SNAP91: variants seen among roughly 807,000 people sequenced by gnomAD.
The protein encoded by SNAP91 is synaptosome associated protein 91.
A neutral mutation model predicts 100.3 loss-of-function variants in SNAP91; 27 were observed. That is an observed-to-expected ratio of 0.27 (90% CI 0.20 to 0.37). SNAP91 has a LOEUF of 0.37. Among genes scored for constraint, SNAP91 ranks in the 10% least tolerant of loss-of-function variants. The probability of loss-of-function intolerance (pLI) is 1.00; values close to 1 mark genes in which losing one functional copy is unlikely to be tolerated. For missense variants in SNAP91, 986 were observed against 1,123.7 expected (o/e 0.88, Z 1.75); for synonymous variants, 404 against 398.6 (o/e 1.01, Z -0.16).
intron 17 of SNAP91, among the ~76,000 whole-genome samples, chr6:83,593,944 C>A (rs2094149194): frequency 6.6e-6 from 1 of 152,124 alleles, no homozygotes; most frequent in Non-Finnish European, 1.5e-5. Context: ...TTAGTAGGTA[C>A]CACAAGTTAG....
At chr6:83,590,704 A>C (rs1366812088) in intron 22 of SNAP91, among the ~76,000 whole-genome samples, 2 of 152,308 alleles carry the variant, frequency 1.3e-5, no homozygotes, top group East Asian at 3.9e-4. Flanking sequence ...TCCTTTAAAA[A>C]AAGATGGGCA....
chr6:83,662,390 T>C lies in SNAP91; in HGVS notation c.306A>G (p.Thr102=), dbSNP rs774544899. 6.3e-6 allele frequency: 9 copies of C among 1,424,590 alleles called. No homozygotes were observed. Among genetic ancestry groups the C allele is most frequent in the Admixed American group, 2.4e-5 (1 of 42,040 alleles). The allele number at this position is 1,424,590 out of a possible 1,614,324, so 88.2% of individuals were successfully genotyped here. ...CCAAAAAATTGCTGAGATTGAATAG[T>C]GTATTTCTAGAAGCCAAATATTGAA... ...RFIQYLASRN[T]LFNLSNFLDK... is the part of the protein sequence containing the mutation. Residue 102 remains threonine, a synonymous_variant, in exon 4 of 30, where the codon ACA becomes ACG. Coordinates refer to ENST00000369694, the MANE Select transcript of SNAP91 (RefSeq NM_001242792.2).
chr6:83,667,436 T>A (rs1241724307), intron 2 of SNAP91, among the ~76,000 whole-genome samples: 1 of 152,040 alleles, frequency 6.6e-6, no homozygotes, highest in Non-Finnish European at 1.5e-5. Context: ...TAAATGCTGG[T>A]CTTTTATTGA....
At chr6:83,626,727 C>G (rs545336934) in intron 8 of SNAP91, among the ~76,000 whole-genome samples, 1 of 152,032 alleles carries the variant, frequency 6.6e-6, no homozygotes, top group Non-Finnish European at 1.5e-5. Flanking sequence ...TGAAACTTTA[C>G]TGAAGTTGTT....
At chr6:83,708,172 G>C in intron 1 of SNAP91, 1 of 463,764 alleles carries the variant, frequency 2.2e-6, no homozygotes, top group Non-Finnish European at 3.8e-6. Context: ...ACCCCAGCGT[G>C]GGCTCCAGTC....
intron 7 of SNAP91, among the ~76,000 whole-genome samples, chr6:83,646,098 G>C (rs1253484757): frequency 6.6e-6 from 1 of 152,126 alleles, no homozygotes; most frequent in Admixed American, 6.6e-5. Flanking sequence ...AGTTCTAAGA[G>C]TTCTTTGTAT....
chr6:83,619,709 G>A (rs2096636979), intron 9 of SNAP91, among the ~76,000 whole-genome samples: 1 of 151,978 alleles, frequency 6.6e-6, no homozygotes, highest in Non-Finnish European at 1.5e-5. Flanking sequence ...AAAAACATAA[G>A]ATTTTTTTCA....
chr6:83,587,114 T>C (rs1336416902), intron 22 of SNAP91, among the ~76,000 whole-genome samples: 1 of 152,190 alleles, frequency 6.6e-6, no homozygotes, highest in Non-Finnish European at 1.5e-5. Context: ...TTCAAAATGA[T>C]ACCAATTTTT....
chr6:83,585,299 A>C lies in SNAP91; in HGVS notation c.2015-2943T>G, dbSNP rs115140933. On this transcript the variant is annotated intron_variant, in intron 22 of 29. Coordinates refer to ENST00000369694, the MANE Select transcript of SNAP91 (RefSeq NM_001242792.2). ...TGTGGCAGAAGGATCACTTGAAGCC[A>C]GGAGTTTGAGACCAGCTTGGTCAAT... Among the ~76,000 whole-genome samples the C allele has an allele frequency of 9.8e-3, 1,493 of 152,302 alleles. 22 individuals carry two copies. The highest frequency in any genetic ancestry group is 0.034 in the African/African-American group (1,433 of 41,572).
chr6:83,570,910 C>T (rs1162148104), intron 26 of SNAP91, among the ~76,000 whole-genome samples: 1 of 152,142 alleles, frequency 6.6e-6, no homozygotes, highest in Non-Finnish European at 1.5e-5. Context: ...AGAGTCCCTA[C>T]TGGGGCACCA....
At chr6:83,617,154 G>A (rs886835871) in intron 9 of SNAP91, 115 bp from the exon 10 acceptor site, 10 of 546,334 alleles carry the variant, frequency 1.8e-5, no homozygotes, top group African/African-American at 1.8e-4. Context: ...ATATATATGT[G>A]AGATAATTTA....
At chr6:83,681,471 T>C (rs910266637) in intron 2 of SNAP91, among the ~76,000 whole-genome samples, 4 of 152,136 alleles carry the variant, frequency 2.6e-5, no homozygotes, top group Admixed American at 1.3e-4. Flanking sequence ...TTTCCTTCAT[T>C]TGTTTAGATC....
chr6:83,592,918 G>A (rs1361382552), intron 20 of SNAP91, 28 bp downstream of exon 20: 1 of 1,531,512 alleles, frequency 6.5e-7, no homozygotes, highest in Non-Finnish European at 8.9e-7. Context: ...AGACATCTCT[G>A]AAGTCCTGAC....
At chr6:83,623,642 A>G (rs1365874199) in intron 8 of SNAP91, among the ~76,000 whole-genome samples, 1 of 152,148 alleles carries the variant, frequency 6.6e-6, no homozygotes, top group Non-Finnish European at 1.5e-5. Context: ...ACAGAAGCTC[A>G]AAATGTAAAA....
At chr6:83,656,439 C>A (rs904616362) in intron 7 of SNAP91, among the ~76,000 whole-genome samples, 9 of 152,328 alleles carry the variant, frequency 5.9e-5, no homozygotes, top group South Asian at 2.1e-4. Context: ...TGGATCAACA[C>A]TGAGCTTTCA....
intron 7 of SNAP91, among the ~76,000 whole-genome samples, chr6:83,656,400 A>G (rs1296344793): frequency 6.6e-6 from 1 of 152,152 alleles, no homozygotes; most frequent in Non-Finnish European, 1.5e-5. Context: ...GCCTATCATC[A>G]CTGCTGAGTC....
At chr6:83,668,483 C>T (rs547066593) in intron 2 of SNAP91, among the ~76,000 whole-genome samples, 12 of 152,030 alleles carry the variant, frequency 7.9e-5, no homozygotes, top group East Asian at 1.9e-4. Context: ...ATATACACCA[C>T]GGAATACTAT....
At chr6:83,678,719 G>T in intron 2 of SNAP91, 1 of 1,282,924 alleles carries the variant, frequency 7.8e-7, no homozygotes, top group South Asian at 1.2e-5. Context: ...CCCCTATTGA[G>T]AATCCTTGGC....
At chr6:83,658,557 G>A (rs1010266382) in intron 6 of SNAP91, among the ~76,000 whole-genome samples, 1 of 152,114 alleles carries the variant, frequency 6.6e-6, no homozygotes, top group Admixed American at 6.6e-5. Context: ...TGTGAGCGGA[G>A]ATCGCGCCAC....
Sources: allele counts gnomAD v4.1 joint callset (sites outside exome capture counted in the v4.1 genomes callset), GRCh38; gene constraint gnomAD v4.1.1; transcripts MANE v1.5; gene names NCBI Gene and HGNC (gene_info 2026-07-23, HGNC 2026-07-21).